The following TNR variants were observed in gnomAD, a reference collection of about 807,000 sequenced individuals.
TNR encodes the protein tenascin R.
Under a neutral mutation model 150.4 loss-of-function variants are expected in TNR, and 45 were observed. The ratio of observed to expected loss-of-function variants is 0.30; its 90% CI spans 0.24 to 0.38. TNR has a LOEUF of 0.38. TNR is among the 10% of genes least tolerant of loss of function. The pLI is 1.00. For missense variants in TNR, 1,544 were observed against 1,759.1 expected (o/e 0.88, Z 2.19); for synonymous variants, 687 against 678.4 (o/e 1.01, Z -0.20).
chr1:175,504,087 C>T (rs1658853384), intron 2 of TNR, among the ~76,000 whole-genome samples: 2 of 152,112 alleles, frequency 1.3e-5, no homozygotes, highest in Admixed American at 1.3e-4. Flanking sequence ...ACTTGTTTTG[C>T]CAATGATGAG....
At chr1:175,513,745 C>T (rs576394904) in intron 2 of TNR, among the ~76,000 whole-genome samples, 84 of 152,318 alleles carry the variant, frequency 5.5e-4, no homozygotes, top group Non-Finnish European at 1.1e-3. Context: ...TTCCTTATTA[C>T]GTGTTTCCAG....
chr1:175,626,175 A>G (rs1267733292), intron 1 of TNR, among the ~76,000 whole-genome samples: 3 of 152,186 alleles, frequency 2.0e-5, no homozygotes, highest in East Asian at 1.9e-4. Context: ...TGTAAGTCCA[A>G]TTAAACCTCT....
intron 2 of TNR, among the ~76,000 whole-genome samples, chr1:175,521,928 C>T (rs1168779168): frequency 2.6e-5 from 4 of 152,208 alleles, no homozygotes; most frequent in Non-Finnish European, 5.9e-5. Flanking sequence ...GAATTGCCCT[C>T]TTGGATAAAT....
chr1:175,571,869 C>A (rs955592216), intron 1 of TNR, among the ~76,000 whole-genome samples: 2 of 152,194 alleles, frequency 1.3e-5, no homozygotes, highest in African/African-American at 4.8e-5. Context: ...TCAAAGGCAA[C>A]CCTGGCACAA....
chr1:175,390,265 T>C (rs1158839476), intron 7 of TNR, among the ~76,000 whole-genome samples: 1 of 152,248 alleles, frequency 6.6e-6, no homozygotes, highest in African/African-American at 2.4e-5. Flanking sequence ...TTCTCATCTC[T>C]GGTCAACTCA....
chr1:175,604,046 G>A (rs1663334711), intron 1 of TNR, among the ~76,000 whole-genome samples: 1 of 152,114 alleles, frequency 6.6e-6, no homozygotes, highest in East Asian at 1.9e-4. Flanking sequence ...ACCCTGATCA[G>A]CTTTTACTTT....
At chr1:175,589,902 C>T (rs748031568) in intron 1 of TNR, among the ~76,000 whole-genome samples, 21 of 152,170 alleles carry the variant, frequency 1.4e-4, no homozygotes, top group East Asian at 5.8e-4. Context: ...ATGTAGATGA[C>T]GGATTAATGG....
At chr1:175,438,685 G>A (rs1655630492) in intron 2 of TNR, among the ~76,000 whole-genome samples, 1 of 152,126 alleles carries the variant, frequency 6.6e-6, no homozygotes, top group South Asian at 2.1e-4. Context: ...CAAAGTCTCA[G>A]GATACAAAAT....
At chr1:175,471,578 G>A (rs1657293176) in intron 2 of TNR, among the ~76,000 whole-genome samples, 8 of 152,070 alleles carry the variant, frequency 5.3e-5, no homozygotes, top group Admixed American at 5.2e-4. Context: ...CAGCATAAAG[G>A]ATTTAAAAAA....
rs546441840 is a variant in TNR, at chr1:175,592,849, C to A, written c.-164-64480G>T. 3.3e-5 allele frequency among the ~76,000 whole-genome samples: 5 copies of A among 152,222 alleles called. No homozygotes were observed. In the South Asian group the frequency reaches 1.0e-3, roughly 32 times the overall value. On this transcript the variant is annotated intron_variant, in intron 1 of 22. Transcript: ENST00000367674. Reference sequence around the variant, plus strand: ...TCAGGTTGGGCAGTGATTTTAAAAGCCTCATCTTCTCCTCTCATCCTTCCT... The same window carrying A: ...TCAGGTTGGGCAGTGATTTTAAAAGACTCATCTTCTCCTCTCATCCTTCCT...
intron 1 of TNR, among the ~76,000 whole-genome samples, chr1:175,575,774 T>C (rs1301135145): frequency 6.6e-6 from 1 of 152,132 alleles, no homozygotes; most frequent in Non-Finnish European, 1.5e-5. Flanking sequence ...CTGTGTATGA[T>C]GGGCTTAGGA....
At chr1:175,529,124 C>A (rs546683018) in intron 1 of TNR, among the ~76,000 whole-genome samples, 3 of 152,144 alleles carry the variant, frequency 2.0e-5, no homozygotes, top group African/African-American at 7.2e-5. Flanking sequence ...ACACAATTTC[C>A]AAGGAAGTGT....
At chr1:175,487,402 A>G (rs536718850) in intron 2 of TNR, among the ~76,000 whole-genome samples, 1 of 151,162 alleles carries the variant, frequency 6.6e-6, no homozygotes, top group African/African-American at 2.4e-5. Flanking sequence ...GGGGTTGGGG[A>G]CCCCGGCTCT....
intron 2 of TNR, among the ~76,000 whole-genome samples, chr1:175,487,775 A>T (rs1658075613): frequency 6.6e-6 from 1 of 152,234 alleles, no homozygotes; most frequent in Non-Finnish European, 1.5e-5. Context: ...GGTACGTGGT[A>T]AGTTTCCAAA....
At chr1:175,738,956 T>C (rs1252078109) in intron 1 of TNR, among the ~76,000 whole-genome samples, 1 of 152,212 alleles carries the variant, frequency 6.6e-6, no homozygotes, top group Non-Finnish European at 1.5e-5. Context: ...CCGAATCATC[T>C]ACTGGAATTG....
intron 2 of TNR, among the ~76,000 whole-genome samples, chr1:175,458,012 C>A (rs571907413): frequency 4.7e-4 from 72 of 152,162 alleles, no homozygotes; most frequent in Non-Finnish European, 7.6e-4. Context: ...AATCTCTGAT[C>A]CTAGGTTTTC....
In TNR at chr1:175,335,779, G is replaced by A. The variant is rs1449973059; in HGVS notation, c.3563C>T (p.Thr1188Ile). Residue 1188 changes from threonine (T) to isoleucine (I), a missense_variant, in exon 20 of 23, where the codon ACT (threonine) becomes ATT (isoleucine). By Grantham distance (89) the Thr-to-Ile change is moderately conservative. Transcript: ENST00000367674. ...IVFQRRQNGQ[T>I]DFFRKWADYR... ...ATCAGCCCATTTCCGGAAAAAATCA[G>A]TTTGGCCATTCTGCCGCCTCTGGAA... 1.9e-6 allele frequency: 3 copies of A among 1,614,056 alleles called. No homozygotes were observed. Among genetic ancestry groups the A allele is most frequent in the African/African-American group, 2.7e-5 (2 of 75,014 alleles).
At chr1:175,466,080 C>A (rs2102110947) in intron 2 of TNR, among the ~76,000 whole-genome samples, 1 of 152,328 alleles carries the variant, frequency 6.6e-6, no homozygotes, top group East Asian at 1.9e-4. Flanking sequence ...CTTTCAGGAA[C>A]TGAGCTCCAT....
chr1:175,617,080 C>A (rs1663802530), intron 1 of TNR, among the ~76,000 whole-genome samples: 2 of 152,202 alleles, frequency 1.3e-5, no homozygotes, highest in Non-Finnish European at 1.5e-5. Flanking sequence ...GCCCTTCTTT[C>A]TCCTCTTTCT....
Sources: allele counts gnomAD v4.1 joint callset (sites outside exome capture counted in the v4.1 genomes callset), GRCh38; gene constraint gnomAD v4.1.1; transcripts MANE v1.5; gene names NCBI Gene and HGNC (gene_info 2026-07-23, HGNC 2026-07-21).